The following COL4A2 variants were observed in gnomAD, a reference collection of about 807,000 sequenced individuals.
COL4A2 encodes collagen alpha-2(IV) chain.
In COL4A2, 99 loss-of-function variants were observed where a neutral mutation model predicts 200.2. The ratio of observed to expected loss-of-function variants is 0.49; its 90% CI spans 0.42 to 0.58. The LOEUF is 0.58. Ranked by LOEUF, COL4A2 falls within the 20% of genes least tolerant of loss-of-function variation. The pLI is 0.00. For synonymous variants in COL4A2, 897 were observed against 900.6 expected (o/e 1.00, Z 0.07); for missense variants, 1,950 against 2,314.1 (o/e 0.84, Z 3.23).
chr13:110,381,160 C>T (rs1351987522), intron 4 of COL4A2, among the ~76,000 whole-genome samples: 1 of 151,748 alleles, frequency 6.6e-6, no homozygotes, highest in African/African-American at 2.4e-5. Flanking sequence ...CTCTATCTCA[C>T]ATCCACGGGC....
At chr13:110,488,828 C>T (rs572092984) in intron 34 of COL4A2, among the ~76,000 whole-genome samples, 2 of 152,308 alleles carry the variant, frequency 1.3e-5, no homozygotes, top group East Asian at 3.9e-4. Flanking sequence ...TCAGAGTCAC[C>T]GCCGCCGCTG....
At chr13:110,509,959 G>A (rs1566575966) in intron 47 of COL4A2, among the ~76,000 whole-genome samples, 2 of 152,214 alleles carry the variant, frequency 1.3e-5, no homozygotes, top group African/African-American at 4.8e-5. Context: ...CCTGACTGCC[G>A]TCTAGGAGGC....
chr13:110,317,455 G>A lies in COL4A2; in HGVS notation c.99+9332G>A, dbSNP rs9559767. The stretch of plus-strand genomic sequence containing the variant: ...TTCTTTCTTCATGGGAGCAGCCAAG[G>A]CAGAAAAAGACTATACCTGCCTCTG... On this transcript the variant is annotated intron_variant, in intron 3 of 47. Coordinates refer to ENST00000360467, the MANE Select transcript of COL4A2 (RefSeq NM_001846.4). Among the ~76,000 whole-genome samples the A allele has an allele frequency of 1.7e-3, 264 of 152,258 alleles. 3 individuals are homozygous for A. The East Asian group carries it at 0.048, about 28-fold the overall frequency.
intron 28 of COL4A2, among the ~76,000 whole-genome samples, chr13:110,470,330 G>A (rs1054108083): frequency 2.0e-5 from 3 of 152,142 alleles, no homozygotes; most frequent in Non-Finnish European, 2.9e-5. Flanking sequence ...TGCAGCCTCT[G>A]CTGGAGTCCC....
intron 29 of COL4A2, among the ~76,000 whole-genome samples, chr13:110,474,594 A>G (rs1237391663): frequency 6.6e-6 from 1 of 152,200 alleles, no homozygotes; most frequent in Non-Finnish European, 1.5e-5. Flanking sequence ...ACTCATGCAC[A>G]TGCATGCTCA....
chr13:110,508,639 A>G lies in COL4A2; in HGVS notation c.4881+418A>G, dbSNP rs932337721. Among the ~76,000 whole-genome samples the G allele has an allele frequency of 1.3e-5, 2 of 152,212 alleles. No individual in the cohort carries two copies. The highest frequency in any genetic ancestry group is 2.9e-5 in the Non-Finnish European group (2 of 68,028). ...CCTAGAATACCCTGAAGAAATACCT[A>G]TTAACTGGCTGGCTTAAAATGGATA... On this transcript the variant is annotated intron_variant, in intron 47 of 47. Coordinates refer to ENST00000360467, the MANE Select transcript of COL4A2 (RefSeq NM_001846.4). This position sits in a 1 kb window ranked among gnomAD's most constrained non-coding sequence, Gnocchi z 6.1.
chr13:110,346,726 A>T (rs983918114), intron 3 of COL4A2, among the ~76,000 whole-genome samples: 1 of 152,102 alleles, frequency 6.6e-6, no homozygotes. Context: ...CCCCACACCC[A>T]TGTCTACACC....
At chr13:110,415,885 AC>A (rs1160422038) in intron 4 of COL4A2, among the ~76,000 whole-genome samples, 7 of 152,246 alleles carry the variant, frequency 4.6e-5, no homozygotes, top group Non-Finnish European at 1.0e-4. Context: ...GTCACATGGC[AC>A]AATGGGAACA....
chr13:110,332,308 C>A (rs1450733830), intron 3 of COL4A2, among the ~76,000 whole-genome samples: 1 of 152,202 alleles, frequency 6.6e-6, no homozygotes, highest in Non-Finnish European at 1.5e-5. Context: ...ACATTTAAAA[C>A]CGCGGGATCT....
chr13:110,473,165 G>T lies in COL4A2; in HGVS notation c.2425+15G>T. The T allele has an allele frequency of 1.3e-6, 2 of 1,548,318 alleles. No individual in the cohort carries two copies. The highest frequency in any genetic ancestry group is 1.4e-5 in the African/African-American group (1 of 73,068). ...TGGATTCAGAGGTGAGTGCCCCATC[G>T]GGGAGCCGGGGGCCCCATCCCAGAT... On this transcript the variant is annotated intron_variant, in intron 29 of 47. Transcript: ENST00000360467.
chr13:110,443,497 CT>C (rs1483902629), intron 16 of COL4A2, among the ~76,000 whole-genome samples: 1 of 152,200 alleles, frequency 6.6e-6, no homozygotes, highest in Non-Finnish European at 1.5e-5. Flanking sequence ...TAAAATCAAC[CT>C]TGTACTTCTA....
At chr13:110,344,654 G>A (rs1033310734) in intron 3 of COL4A2, among the ~76,000 whole-genome samples, 6 of 152,214 alleles carry the variant, frequency 3.9e-5, no homozygotes, top group South Asian at 2.1e-4. Flanking sequence ...AGACCCCAGG[G>A]CCGCAGTATT....
At chr13:110,308,688 A>T (rs1884881717) in intron 3 of COL4A2, among the ~76,000 whole-genome samples, 1 of 152,200 alleles carries the variant, frequency 6.6e-6, no homozygotes, top group African/African-American at 2.4e-5. Flanking sequence ...CGGCCCTGGA[A>T]GAGCTGCTCC....
intron 7 of COL4A2, chr13:110,429,187 G>C (rs929049344): frequency 2.6e-5 from 4 of 152,128 alleles, no homozygotes; most frequent in Non-Finnish European, 5.9e-5. Flanking sequence ...AAGTGGGGAG[G>C]GAAGAACAGT....
At chr13:110,340,488 A>G (rs1182036364) in intron 3 of COL4A2, among the ~76,000 whole-genome samples, 1 of 152,236 alleles carries the variant, frequency 6.6e-6, no homozygotes, top group Non-Finnish European at 1.5e-5. Flanking sequence ...ACAAAAAGAG[A>G]TAAAGGAAGA....
intron 3 of COL4A2, among the ~76,000 whole-genome samples, chr13:110,325,632 C>A (rs1217823166): frequency 6.6e-6 from 1 of 152,170 alleles, no homozygotes; most frequent in African/African-American, 2.4e-5. Context: ...GCTTCTAATC[C>A]CCGTGTCGCT....
intron 4 of COL4A2, among the ~76,000 whole-genome samples, chr13:110,408,187 G>A (rs1472817676): frequency 6.6e-6 from 1 of 152,178 alleles, no homozygotes; most frequent in Non-Finnish European, 1.5e-5. Context: ...GCCACCAGAA[G>A]AGCCCATTCC....
At chr13:110,319,979 C>G (rs899085144) in intron 3 of COL4A2, among the ~76,000 whole-genome samples, 1 of 152,204 alleles carries the variant, frequency 6.6e-6, no homozygotes, top group African/African-American at 2.4e-5. Context: ...AATTTCCTGC[C>G]GGTAAGTGCA....
chr13:110,368,343 C>G (rs1877842865), intron 4 of COL4A2, among the ~76,000 whole-genome samples: 1 of 152,170 alleles, frequency 6.6e-6, no homozygotes, highest in Admixed American at 6.5e-5. Context: ...AATCCAACTC[C>G]CAAAAGTTGA....
Sources: gnomAD v4.1 joint callset for allele counts (sites outside exome capture counted in the v4.1 genomes callset) on GRCh38, gnomAD v4.1.1 for gene constraint, Gnocchi (gnomAD v3.1) non-coding constraint, MANE v1.5 for transcripts, NCBI Gene and HGNC (gene_info 2026-07-23, HGNC 2026-07-21) for gene names.